Variants in STARD13 observed in about 807,000 individuals in gnomAD.
The protein encoded by STARD13 is StAR related lipid transfer domain containing 13.
In STARD13, 62 loss-of-function variants were observed where a neutral mutation model predicts 106.4. The ratio of observed to expected loss-of-function variants is 0.58; its 90% confidence interval spans 0.48 to 0.72. The LOEUF (loss-of-function observed/expected upper bound fraction) is 0.72. STARD13 is among the 30% of genes least tolerant of loss of function. The probability of loss-of-function intolerance (pLI) is 0.00; values close to 1 mark genes in which losing one functional copy is unlikely to be tolerated. For missense variants in STARD13, 1,387 were observed against 1,424.0 expected (o/e 0.97, Z 0.42); for synonymous variants, 565 against 553.0 (o/e 1.02, Z -0.31).
At chr13:33,535,497 T>C in the STARD13 span, among the ~76,000 whole-genome samples, 1 of 152,046 alleles carries the variant, frequency 6.6e-6, no homozygotes. Flanking sequence ...TAAAATTGTA[T>C]TTTAGTAACT....
chr13:33,381,775 CAT>C, the STARD13 span, among the ~76,000 whole-genome samples: 2 of 152,094 alleles, frequency 1.3e-5, no homozygotes, highest in African/African-American at 4.8e-5. Flanking sequence ...TAAATTAAAA[CAT>C]AAAAAATTCC....
chr13:33,465,201 C>CTTTTTT, the STARD13 span, among the ~76,000 whole-genome samples: 104 of 60,654 alleles, frequency 1.7e-3, 1 homozygote, highest in East Asian at 2.7e-3. Context: ...TGGTCTTCTT[C>CTTTTTT]TTTTTTTTTT....
the STARD13 span, among the ~76,000 whole-genome samples, chr13:33,675,768 A>G: frequency 6.6e-6 from 1 of 152,192 alleles, no homozygotes; most frequent in Non-Finnish European, 1.5e-5. Context: ...ATTATCATCT[A>G]CGTCTTCTCT....
the STARD13 span, among the ~76,000 whole-genome samples, chr13:33,621,142 A>C: frequency 6.6e-6 from 1 of 152,032 alleles, no homozygotes; most frequent in African/African-American, 2.4e-5. Context: ...CTGAAGTAGA[A>C]AATGTGTAAA....
chr13:33,456,168 T>C, the STARD13 span, among the ~76,000 whole-genome samples: 1 of 152,088 alleles, frequency 6.6e-6, no homozygotes, highest in Admixed American at 6.6e-5. Flanking sequence ...ACTGGGTGGC[T>C]TAAACGACAG....
At chr13:33,642,167 G>T in the STARD13 span, among the ~76,000 whole-genome samples, 1 of 152,318 alleles carries the variant, frequency 6.6e-6, no homozygotes, top group South Asian at 2.1e-4. Flanking sequence ...GAGGGTGATT[G>T]ATCTTTTCTG....
chr13:33,216,043 A>G (rs928464405), intron 1 of STARD13, among the ~76,000 whole-genome samples: 3 of 152,166 alleles, frequency 2.0e-5, no homozygotes, highest in Non-Finnish European at 4.4e-5. Context: ...GAATGGCCAT[A>G]ATAAAAAAAA....
chr13:33,496,609 T>C, the STARD13 span, among the ~76,000 whole-genome samples: 45,375 of 151,974 alleles, frequency 0.3, 7,651 homozygotes, highest in Non-Finnish European at 0.39. Flanking sequence ...CCTGTATGCA[T>C]AGGCACATAT....
At chr13:33,316,750 C>G (rs1379651870) in intron 1 of STARD13, among the ~76,000 whole-genome samples, 2 of 152,174 alleles carry the variant, frequency 1.3e-5, no homozygotes, top group Non-Finnish European at 1.5e-5. Flanking sequence ...GACTTATCCA[C>G]TGCATTCATT....
chr13:33,291,371 C>T (rs934992505), intron 1 of STARD13, among the ~76,000 whole-genome samples: 1 of 152,172 alleles, frequency 6.6e-6, no homozygotes, highest in Admixed American at 6.5e-5. Flanking sequence ...ATCCAGCTGA[C>T]TGCTCTCTTT....
the STARD13 span, among the ~76,000 whole-genome samples, chr13:33,643,993 C>T: frequency 1.3e-5 from 2 of 152,226 alleles, no homozygotes; most frequent in African/African-American, 4.8e-5. Flanking sequence ...AAATTGAGGA[C>T]TCTTCCTACT....
the STARD13 span, among the ~76,000 whole-genome samples, chr13:33,616,925 G>A: frequency 6.6e-6 from 1 of 152,196 alleles, no homozygotes; most frequent in Non-Finnish European, 1.5e-5. Context: ...TGAGTGATAA[G>A]TAAAATGGAC....
intron 2 of STARD13, among the ~76,000 whole-genome samples, chr13:33,166,433 C>A (rs1883320148): frequency 6.6e-6 from 1 of 152,108 alleles, no homozygotes; most frequent in South Asian, 2.1e-4. Flanking sequence ...TCCCTTTGGG[C>A]TCATGGTAGT....
rs1892026794 is a variant in STARD13, at chr13:33,285,728, G to A, written c.-90C>T. 16 of 1,541,470 alleles carry A rather than the reference G, an allele frequency of 1.0e-5. No homozygotes were observed. The highest frequency in any genetic ancestry group is 2.4e-4 in the Middle Eastern group (1 of 4,112). On this transcript the variant is annotated 5_prime_UTR_variant, in exon 1 of 14. Coordinates refer to ENST00000336934, the MANE Select transcript of STARD13 (RefSeq NM_178006.4). Reference sequence around the variant, plus strand: ...GTCAAAGAGCAAGGCACCCAGCCCAGGACAGCTCAACAGACCCAGCGATTT... The same window carrying A: ...GTCAAAGAGCAAGGCACCCAGCCCAAGACAGCTCAACAGACCCAGCGATTT...
At chr13:33,574,225 G>A in the STARD13 span, among the ~76,000 whole-genome samples, 1 of 152,140 alleles carries the variant, frequency 6.6e-6, no homozygotes, top group East Asian at 1.9e-4. Context: ...AGTAGTAAAT[G>A]TTATTCTTCC....
chr13:33,285,856 C>G (rs995096940), upstream of STARD13: 3 of 1,120,624 alleles, frequency 2.7e-6, no homozygotes, highest in Non-Finnish European at 3.5e-6. Context: ...AAAATGGGAA[C>G]GTTTGCAGTC....
chr13:33,249,206 C>T (rs1329507044), intron 1 of STARD13, among the ~76,000 whole-genome samples: 1 of 152,176 alleles, frequency 6.6e-6, no homozygotes, highest in Non-Finnish European at 1.5e-5. Context: ...GGGAAATCAA[C>T]AGACACACAA....
chr13:33,336,851 G>T (rs2077902833), intron 1 of STARD13: 1 of 151,486 alleles, frequency 6.6e-6, no homozygotes. Context: ...AAGTGAAAAC[G>T]CATGGATGCA....
the STARD13 span, chr13:33,611,466 C>T: frequency 6.6e-6 from 1 of 152,270 alleles, no homozygotes; most frequent in African/African-American, 2.4e-5. Flanking sequence ...CCTCGCCAGG[C>T]TTTCAAACCT....
Sources: allele counts gnomAD v4.1 joint callset (sites outside exome capture counted in the v4.1 genomes callset), GRCh38; gene constraint gnomAD v4.1.1; transcripts MANE v1.5; gene names NCBI Gene and HGNC (gene_info 2026-07-23, HGNC 2026-07-21).